Variants in CBLB observed in about 807,000 individuals in gnomAD.
The protein encoded by CBLB is E3 ubiquitin-protein ligase CBL-B.
A neutral mutation model predicts 104.9 loss-of-function variants in CBLB; 31 were observed. The observed-to-expected ratio is 0.30, with a 90% CI of 0.22 to 0.40. CBLB has a LOEUF of 0.40. Ranked by LOEUF, CBLB falls within the 10% of genes least tolerant of loss-of-function variation. The pLI, the probability that CBLB is intolerant of heterozygous loss-of-function variation, is 1.00. For synonymous variants in CBLB, 440 were observed against 422.6 expected (o/e 1.04, Z -0.51); for missense variants, 1,062 against 1,214.6 (o/e 0.87, Z 1.87).
intron 9 of CBLB, among the ~76,000 whole-genome samples, chr3:105,729,266 TTTTAAC>T (rs1295200622): frequency 2.0e-5 from 3 of 152,140 alleles, no homozygotes; most frequent in Admixed American, 2.0e-4. Context: ...TCAGGTTTAA[TTTTAAC>T]TTTAACTTCT....
At chr3:105,722,547 C>T (rs2073033557) in intron 9 of CBLB, among the ~76,000 whole-genome samples, 1 of 112,214 alleles carries the variant, frequency 8.9e-6, no homozygotes, top group East Asian at 2.7e-4. Flanking sequence ...TAACTAAAAA[C>T]CAAGAACCTT....
rs2074146329 is a variant in CBLB at position 105,730,096 on chromosome 3, G to T, written c.1203+3913C>A. Among the ~76,000 whole-genome samples, 9 of 151,736 alleles carry T rather than the reference G, an allele frequency of 5.9e-5. No individual in the cohort carries two copies. In the South Asian group the frequency reaches 1.5e-3, roughly 25 times the overall value. ...TTGACCTAAGAATAATTTTCTTTAG[G>T]GGGAGAGAAAACATGAACCGGGGAT... is the stretch of plus-strand genomic sequence containing the variant. On this transcript the variant is annotated intron_variant, in intron 9 of 18. Transcript: ENST00000394030.
At chr3:105,832,153 T>C (rs1391329960) in intron 3 of CBLB, among the ~76,000 whole-genome samples, 2 of 152,142 alleles carry the variant, frequency 1.3e-5, no homozygotes, top group Non-Finnish European at 2.9e-5. Flanking sequence ...TGAAAACAGA[T>C]GTGTACCATA....
chr3:105,702,298 G>A lies in CBLB; in HGVS notation c.1755C>T (p.Asp585=). The change falls in exon 12 of 19, where the codon GAC becomes GAT. Residue 585 remains aspartate, a synonymous_variant. Transcript: ENST00000394030. ...IHHVESVPSR[D]PPMPLEAWCP... ...ACCATGCTTCAAGAGGCATTGGCGG[G>A]TCTCTGGAAGGCACGCTTTCCACAT... 6.2e-7 allele frequency: 1 copy of A among 1,613,922 alleles called. No individual in the cohort carries two copies. Among genetic ancestry groups the A allele is most frequent in the Non-Finnish European group, 8.5e-7 (1 of 1,179,962 alleles).
At chr3:105,678,361 T>C in intron 17 of CBLB, 70 bp downstream of exon 17, 1 of 1,447,552 alleles carries the variant, frequency 6.9e-7, no homozygotes. Flanking sequence ...CACTAACATT[T>C]ATTTGATAGT....
intron 7 of CBLB, among the ~76,000 whole-genome samples, chr3:105,738,461 GA>G (rs2075184241): frequency 6.6e-6 from 1 of 151,998 alleles, no homozygotes; most frequent in South Asian, 2.1e-4. Flanking sequence ...AACATTAAAT[GA>G]GGAATGATAA....
intron 3 of CBLB, among the ~76,000 whole-genome samples, chr3:105,798,726 C>T (rs1183529414): frequency 2.6e-5 from 4 of 152,140 alleles, no homozygotes; most frequent in African/African-American, 9.7e-5. Context: ...AACCCAAGAG[C>T]TACTCTTTTT....
Position 105,781,469 on chromosome 3 carries a change from C to A in CBLB, c.420-4927G>T, listed in dbSNP as rs370023204. ...TATCATATAGTATGAAACAAAAAAA[C>A]ATGAAGAGATCATCATAATACAATG... On this transcript the variant is annotated intron_variant, in intron 3 of 18. Coordinates refer to ENST00000394030, the MANE Select transcript of CBLB (RefSeq NM_170662.5). 9.2e-5 allele frequency among the ~76,000 whole-genome samples: 14 copies of A among 152,244 alleles called. No individual in the cohort carries two copies. In the South Asian group the frequency reaches 2.9e-3, roughly 32 times the overall value.
intron 4 of CBLB, among the ~76,000 whole-genome samples, chr3:105,769,449 TG>T (rs2078608088): frequency 6.6e-6 from 1 of 152,072 alleles, no homozygotes; most frequent in Non-Finnish European, 1.5e-5. Context: ...AATTGAGAAA[TG>T]GGGGCATGTC....
intron 12 of CBLB, among the ~76,000 whole-genome samples, chr3:105,697,850 G>T (rs940148959): frequency 6.6e-6 from 1 of 151,992 alleles, no homozygotes; most frequent in African/African-American, 2.4e-5. Flanking sequence ...AATAATGACA[G>T]TTGGGTATAA....
chr3:105,678,022 G>A (rs543301971), intron 17 of CBLB, among the ~76,000 whole-genome samples: 2 of 152,082 alleles, frequency 1.3e-5, no homozygotes, highest in Admixed American at 1.3e-4. Flanking sequence ...ACAAAATTAT[G>A]ACACTAAGGC....
At chr3:105,700,643 T>G (rs977848494) in intron 12 of CBLB, among the ~76,000 whole-genome samples, 6 of 152,210 alleles carry the variant, frequency 3.9e-5, no homozygotes, top group African/African-American at 1.4e-4. Flanking sequence ...TAGGTGAACC[T>G]GAGGAAACCT....
chr3:105,659,215 G>T lies in CBLB; in HGVS notation c.2704C>A (p.Pro902Thr), dbSNP rs138748034. 1.2e-6 allele frequency: 2 copies of T among 1,613,784 alleles called. No individual in the cohort carries two copies. The highest frequency in any genetic ancestry group is 2.7e-5 in the African/African-American group (2 of 74,878). The change falls in exon 19 of 19, where the codon CCA (proline) becomes ACA (threonine). Residue 902 changes from proline (P) to threonine (T), a missense_variant. Physicochemically the swap from Pro to Thr is conservative, Grantham distance 38. Around this residue, in one of 2 missense-constraint regions of CBLB, gnomAD observed 605 missense variants for 582.6 expected, o/e 1.04. Coordinates refer to ENST00000394030, the MANE Select transcript of CBLB (RefSeq NM_170662.5). ...LPSCSDGSQA[P>T]ARPPKPRPRR... ...GGTCGTGGTTTAGGGGGTCTGGCTG[G>T]TGCCTGTGAACCATCTGTGTAGATT...
chr3:105,672,178 A>G (rs1048332857), intron 17 of CBLB: 1 of 190,704 alleles, frequency 5.2e-6, no homozygotes, highest in Non-Finnish European at 1.1e-5. Context: ...TGCTATTTCT[A>G]ATCATCTATT....
chr3:105,801,809 T>C lies in CBLB; in HGVS notation c.420-25267A>G, dbSNP rs116066243. On this transcript the variant is annotated intron_variant, in intron 3 of 18. Coordinates refer to ENST00000394030, the MANE Select transcript of CBLB (RefSeq NM_170662.5). ...CTCCTTGGGATAAGAATCAAGGATA[T>C]TGAATTCATTCAAAAACATACTTTA... 6.1e-3 allele frequency among the ~76,000 whole-genome samples: 923 copies of C among 152,348 alleles called. 11 individuals are homozygous for C. Among genetic ancestry groups the C allele is most frequent in the African/African-American group, 0.021 (876 of 41,568 alleles).
intron 3 of CBLB, among the ~76,000 whole-genome samples, chr3:105,787,824 C>CT (rs2081198301): frequency 6.6e-6 from 1 of 151,770 alleles, no homozygotes; most frequent in Non-Finnish European, 1.5e-5. Flanking sequence ...TTCTTTTTTT[C>CT]TTTTTTTAAC....
chr3:105,834,749 A>G (rs886450001), intron 3 of CBLB, among the ~76,000 whole-genome samples: 3 of 152,230 alleles, frequency 2.0e-5, no homozygotes, highest in African/African-American at 7.2e-5. Context: ...GAACTCAAGT[A>G]TTCAGAAACA....
intron 3 of CBLB, among the ~76,000 whole-genome samples, chr3:105,823,567 C>T (rs1028867239): frequency 6.6e-6 from 1 of 152,172 alleles, no homozygotes; most frequent in Non-Finnish European, 1.5e-5. Flanking sequence ...ACTTCCAAAT[C>T]AATCATTCTA....
chr3:105,711,925 A>G (rs1179299155), intron 10 of CBLB, among the ~76,000 whole-genome samples: 1 of 152,098 alleles, frequency 6.6e-6, no homozygotes. Flanking sequence ...ACAGAAACCT[A>G]TATATTAAGA....
Sources: allele counts gnomAD v4.1 joint callset (sites outside exome capture counted in the v4.1 genomes callset), GRCh38; gene constraint gnomAD v4.1.1; regional missense constraint gnomAD v4.1.1; transcripts MANE v1.5; gene names NCBI Gene and HGNC (gene_info 2026-07-23, HGNC 2026-07-21).